The following CDH13 variants were observed in gnomAD, a reference collection of about 807,000 sequenced individuals.
CDH13 encodes cadherin-13.
CDH13 carries 24 observed loss-of-function variants against 63.8 expected under a neutral mutation model. The observed-to-expected ratio is 0.38, with a 90% CI of 0.27 to 0.53. The LOEUF (loss-of-function observed/expected upper bound fraction) is 0.53. Ranked by LOEUF, CDH13 falls within the 20% of genes least tolerant of loss-of-function variation. CDH13 has a pLI of 0.85. For synonymous variants in CDH13, 503 were observed against 355.3 expected (o/e 1.42, Z -4.67); for missense variants, 1,049 against 903.1 (o/e 1.16, Z -2.07).
At chr16:83,183,253 A>T (rs1567485804) in intron 4 of CDH13, among the ~76,000 whole-genome samples, 1 of 152,232 alleles carries the variant, frequency 6.6e-6, no homozygotes, top group Non-Finnish European at 1.5e-5. Context: ...AGTATCGTTG[A>T]TATTAGTCAA....
chr16:82,891,972 T>C (rs1174158318), intron 2 of CDH13, among the ~76,000 whole-genome samples: 1 of 152,188 alleles, frequency 6.6e-6, no homozygotes, highest in African/African-American at 2.4e-5. Flanking sequence ...TTTGATCCTT[T>C]GTTTGTAAAT....
At chr16:83,433,280 C>T (rs7198593) in intron 6 of CDH13, among the ~76,000 whole-genome samples, 4 of 152,188 alleles carry the variant, frequency 2.6e-5, no homozygotes, top group African/African-American at 9.7e-5. Flanking sequence ...CTCATAGCTT[C>T]AGTTTCCTCA....
intron 11 of CDH13, among the ~76,000 whole-genome samples, chr16:83,777,598 T>G (rs247402): frequency 0.49 from 74,934 of 152,084 alleles, 18,906 homozygotes; most frequent in East Asian, 0.67. Flanking sequence ...CAGTTGTCCA[T>G]TCCCTTTTAT....
Position 83,345,026 on chromosome 16 carries a change from C to T in CDH13, c.781+20C>T, listed in dbSNP as rs750396649. On this transcript the variant is annotated intron_variant, in intron 6 of 13. Coordinates refer to ENST00000567109, the MANE Select transcript of CDH13 (RefSeq NM_001257.5). ...CCACAGGTATGTCACATTGGCTTAC[C>T]TTTAGCGTAATGGCTTGGAAAGAGG... 6.2e-6 allele frequency: 10 copies of T among 1,611,560 alleles called. No homozygotes were observed. The Admixed American group carries it at 1.7e-4, about 27-fold the overall frequency.
At chr16:82,747,262 T>C (rs1479378574) in intron 1 of CDH13, among the ~76,000 whole-genome samples, 1 of 152,158 alleles carries the variant, frequency 6.6e-6, no homozygotes. Context: ...TCATAATCTG[T>C]AGCCAAAACC....
chr16:82,940,471 C>T (rs1414610874), intron 2 of CDH13, among the ~76,000 whole-genome samples: 1 of 152,058 alleles, frequency 6.6e-6, no homozygotes, highest in East Asian at 1.9e-4. Flanking sequence ...CTAATTACTC[C>T]ATAGATTGAT....
intron 1 of CDH13, among the ~76,000 whole-genome samples, chr16:82,634,693 T>C (rs1908435768): frequency 6.6e-6 from 1 of 152,206 alleles, no homozygotes; most frequent in African/African-American, 2.4e-5. Flanking sequence ...ATTTAGTCCC[T>C]AAAAGAAAAA....
At chr16:82,708,465 C>A (rs1246787715) in intron 1 of CDH13, among the ~76,000 whole-genome samples, 1 of 152,194 alleles carries the variant, frequency 6.6e-6, no homozygotes. Context: ...CTCCATCTCT[C>A]ACACTTTCTC....
chr16:82,676,396 G>T (rs1025016686), intron 1 of CDH13, among the ~76,000 whole-genome samples: 1 of 149,470 alleles, frequency 6.7e-6, no homozygotes, highest in Non-Finnish European at 1.5e-5. Context: ...TTAAAATTCT[G>T]TTGATTTTGT....
At chr16:83,350,093 T>C (rs935108266) in intron 6 of CDH13, among the ~76,000 whole-genome samples, 3 of 152,210 alleles carry the variant, frequency 2.0e-5, no homozygotes, top group Non-Finnish European at 4.4e-5. Context: ...TGGGGGGCTT[T>C]AATTTCCAGG....
intron 7 of CDH13, among the ~76,000 whole-genome samples, chr16:83,556,878 G>A (rs1303591295): frequency 6.6e-6 from 1 of 152,226 alleles, no homozygotes; most frequent in African/African-American, 2.4e-5. Context: ...CTCCTGGGCT[G>A]TGTCCCTCCA....
intron 2 of CDH13, among the ~76,000 whole-genome samples, chr16:82,986,483 CA>C (rs1910955883): frequency 6.6e-6 from 1 of 152,198 alleles, no homozygotes; most frequent in Non-Finnish European, 1.5e-5. Flanking sequence ...AAAAACACTG[CA>C]AAATTTCATT....
At chr16:83,440,672 C>G (rs908002549) in intron 6 of CDH13, among the ~76,000 whole-genome samples, 4 of 151,644 alleles carry the variant, frequency 2.6e-5, no homozygotes, top group Non-Finnish European at 5.9e-5. Context: ...GTCGTCCCAG[C>G]TACTCAGGAG....
intron 7 of CDH13, among the ~76,000 whole-genome samples, chr16:83,563,164 A>T (rs949148593): frequency 1.3e-5 from 2 of 152,236 alleles, no homozygotes; most frequent in Non-Finnish European, 1.5e-5. Flanking sequence ...ACTTGCAAAG[A>T]GAGGCAAAAA....
intron 3 of CDH13, among the ~76,000 whole-genome samples, chr16:83,106,244 T>A (rs969350893): frequency 6.6e-6 from 1 of 152,116 alleles, no homozygotes; most frequent in African/African-American, 2.4e-5. Flanking sequence ...TTGGAAGCAC[T>A]TAACATACAA....
chr16:83,784,840 T>A (rs1915772947), intron 13 of CDH13, among the ~76,000 whole-genome samples: 1 of 152,110 alleles, frequency 6.6e-6, no homozygotes, highest in Admixed American at 6.6e-5. Flanking sequence ...CAACAGAGTC[T>A]AAGGGTCCAA....
chr16:83,672,807 G>T (rs1332287306), intron 9 of CDH13, among the ~76,000 whole-genome samples: 1 of 152,198 alleles, frequency 6.6e-6, no homozygotes, highest in Admixed American at 6.5e-5. Context: ...ATATGTGATG[G>T]AGATGTCTAT....
chr16:82,892,730 T>G (rs1382965202), intron 2 of CDH13, among the ~76,000 whole-genome samples: 1 of 152,224 alleles, frequency 6.6e-6, no homozygotes, highest in Non-Finnish European at 1.5e-5. Flanking sequence ...CTCAGTGTTT[T>G]TCTTCTTTTT....
chr16:82,849,682 T>G (rs1421048794), intron 1 of CDH13, among the ~76,000 whole-genome samples: 1 of 152,192 alleles, frequency 6.6e-6, no homozygotes, highest in African/African-American at 2.4e-5. Context: ...AGGACTTTCA[T>G]AGCTAGAGAG....
Sources: allele counts gnomAD v4.1 joint callset (sites outside exome capture counted in the v4.1 genomes callset), GRCh38; gene constraint gnomAD v4.1.1; transcripts MANE v1.5; gene names NCBI Gene and HGNC (gene_info 2026-07-23, HGNC 2026-07-21).